FGFR2: variants seen among roughly 807,000 people sequenced by gnomAD.
FGFR2 encodes BEK fibroblast growth factor receptor.
A neutral mutation model predicts 95.9 loss-of-function variants in FGFR2; 19 were observed. That is an observed-to-expected ratio of 0.20 (90% CI 0.14 to 0.29). FGFR2 has a LOEUF of 0.29. Among genes scored for constraint, FGFR2 ranks in the 10% least tolerant of loss-of-function variants. FGFR2 has a pLI of 1.00. For missense variants in FGFR2, 707 were observed against 1,056.9 expected (o/e 0.67, Z 4.59); for synonymous variants, 392 against 393.3 (o/e 1.00, Z 0.04).
chr10:121,509,403 G>GAGATTA (rs964411440), intron 9 of FGFR2, among the ~76,000 whole-genome samples: 13 of 142,950 alleles, frequency 9.1e-5, no homozygotes, highest in African/African-American at 3.1e-4. Context: ...GTACATATGG[G>GAGATTA]AGATTAAGTG....
At chr10:121,568,374 T>C (rs1378746115) in intron 2 of FGFR2, among the ~76,000 whole-genome samples, 1 of 152,192 alleles carries the variant, frequency 6.6e-6, no homozygotes, top group Non-Finnish European at 1.5e-5. Context: ...GTCTGGGTCA[T>C]AAAATGATCA....
chr10:121,557,830 T>G (rs1391759077), intron 4 of FGFR2, among the ~76,000 whole-genome samples: 1 of 152,138 alleles, frequency 6.6e-6, no homozygotes, highest in African/African-American at 2.4e-5. Flanking sequence ...GGTTAATCAA[T>G]GAAATGAGTT....
chr10:121,497,743 C>A (rs1847070211), intron 12 of FGFR2, among the ~76,000 whole-genome samples: 1 of 152,208 alleles, frequency 6.6e-6, no homozygotes, highest in South Asian at 2.1e-4. Flanking sequence ...ATTTTATTGG[C>A]ATGCAGCCAG....
rs781182356 is a variant in FGFR2 at position 121,483,749 on chromosome 10, G to A, written c.2250C>T (p.Phe750=). ...WHAVPSQRPT[F]KQLVEDLDRI... The stretch of plus-strand genomic sequence containing the variant: ...GATCCAAGTCTTCTACCAACTGCTT[G>A]AACGTTGGTCTCTGGGAGGGCACTG... The change falls in exon 17 of 18, where the codon TTC becomes TTT. Residue 750 remains phenylalanine, a synonymous_variant. Transcript: ENST00000358487. 6.2e-7 allele frequency: 1 copy of A among 1,614,046 alleles called. No homozygotes were observed.
intron 4 of FGFR2, among the ~76,000 whole-genome samples, chr10:121,554,169 G>A (rs141990726): frequency 5.9e-5 from 9 of 152,184 alleles, no homozygotes; most frequent in Admixed American, 2.6e-4. Context: ...GAGATCCAAG[G>A]TTGGGGGCCA....
intron 6 of FGFR2, among the ~76,000 whole-genome samples, chr10:121,534,338 C>T (rs892134998): frequency 1.3e-5 from 2 of 151,832 alleles, no homozygotes; most frequent in Non-Finnish European, 2.9e-5. Flanking sequence ...ACCTCATGAT[C>T]TGCCTGCCTC....
chr10:121,490,416 G>A (rs926998602), intron 13 of FGFR2, among the ~76,000 whole-genome samples: 7 of 152,030 alleles, frequency 4.6e-5, no homozygotes, highest in Non-Finnish European at 7.4e-5. Flanking sequence ...CACCCGCCTC[G>A]GCCTCCCAAA....
chr10:121,481,989 C>G (rs1012985705), intron 17 of FGFR2: 34 of 495,166 alleles, frequency 6.9e-5, no homozygotes, highest in African/African-American at 6.6e-4. Flanking sequence ...AGGTGCACAC[C>G]AACACGCCCG....
At chr10:121,574,960 C>A (rs1347266230) in intron 2 of FGFR2, among the ~76,000 whole-genome samples, 2 of 152,136 alleles carry the variant, frequency 1.3e-5, no homozygotes, top group South Asian at 2.1e-4. Context: ...AGACACAAGT[C>A]GGGACTGAAA....
At chr10:121,577,778 T>A (rs1168269143) in intron 2 of FGFR2, among the ~76,000 whole-genome samples, 1 of 152,084 alleles carries the variant, frequency 6.6e-6, no homozygotes, top group Non-Finnish European at 1.5e-5. Context: ...TAGGTTCATA[T>A]TTCCACCTGC....
At chr10:121,500,368 T>C (rs1247907296) in intron 11 of FGFR2, among the ~76,000 whole-genome samples, 1 of 152,188 alleles carries the variant, frequency 6.6e-6, no homozygotes, top group African/African-American at 2.4e-5. Context: ...ATTTCTGCTT[T>C]GTTCCTCACG....
At chr10:121,597,171 C>T (rs1863549159) in intron 1 of FGFR2, among the ~76,000 whole-genome samples, 1 of 152,228 alleles carries the variant, frequency 6.6e-6, no homozygotes, top group Admixed American at 6.5e-5. Flanking sequence ...GCCTCCTGCG[C>T]CAGGTCCGTG....
rs1161322442 is a variant in FGFR2 at position 121,479,002 on chromosome 10, T to C, written c.*855A>G. On this transcript the variant is annotated 3_prime_UTR_variant, in exon 18 of 18. Transcript: ENST00000358487. ...TTCCTATGAATGAGTTCTTTTAATATGGGGCATTTAGGAGGTCTAAGAACA... is the reference window on the plus strand; with the variant it reads ...TTCCTATGAATGAGTTCTTTTAATACGGGGCATTTAGGAGGTCTAAGAACA... 4 of 233,334 alleles carry C rather than the reference T, an allele frequency of 1.7e-5. No homozygotes were observed. Among genetic ancestry groups the C allele is most frequent in the African/African-American group, 6.6e-5 (3 of 45,330 alleles). The allele number at this position is 233,334 out of a possible 1,614,324, so 14.5% of individuals were successfully genotyped here.
Position 121,538,422 on chromosome 10 carries a change from A to C in FGFR2, c.748+170T>G, listed in dbSNP as rs764740770. On this transcript the variant is annotated intron_variant, in intron 6 of 17. Transcript: ENST00000358487. Reference sequence around the variant, plus strand: ...TAAACCCTGGCTGCCTGGAAAACAGAATATTGTCAGATGACAGAAGCAGCC... The same window carrying C: ...TAAACCCTGGCTGCCTGGAAAACAGCATATTGTCAGATGACAGAAGCAGCC... 5.7e-6 allele frequency: 6 copies of C among 1,044,816 alleles called. No individual in the cohort carries two copies. The East Asian group carries it at 1.4e-4, about 25-fold the overall frequency. 64.7% of individuals were successfully genotyped at this position (1,044,816 alleles called of 1,614,324 possible). A position where few individuals can be genotyped will look rare whatever the true frequency, so the allele number is the denominator to read the frequency against.
intron 2 of FGFR2, among the ~76,000 whole-genome samples, chr10:121,591,653 C>T (rs1862667428): frequency 6.6e-6 from 1 of 152,220 alleles, no homozygotes; most frequent in Non-Finnish European, 1.5e-5. Flanking sequence ...TTTGCACCTT[C>T]CTCTAAGACA....
rs746880602 is a variant in FGFR2, at chr10:121,517,181, T to C, written c.1084+138A>G. 1.5e-5 allele frequency: 14 copies of C among 955,910 alleles called. No homozygotes were observed. Among genetic ancestry groups the C allele is most frequent in the Middle Eastern group, 2.0e-4 (1 of 4,892 alleles). The allele number at this position is 955,910 out of a possible 1,614,324, so 59.2% of individuals were successfully genotyped here. ...ATTTCCAAGGCAGTTTTCTTATCCC[T>C]GAGGGATCATTTTTAACATTTTTTA... On this transcript the variant is annotated intron_variant, in intron 8 of 17. Transcript: ENST00000358487. This position sits in a 1 kb window ranked among gnomAD's most constrained non-coding sequence, Gnocchi z 4.7.
At chr10:121,592,635 G>A (rs1200556552) in intron 2 of FGFR2, among the ~76,000 whole-genome samples, 2 of 152,074 alleles carry the variant, frequency 1.3e-5, no homozygotes, top group African/African-American at 2.4e-5. Context: ...TCCTGATCCA[G>A]CTAAGGAGGC....
Position 121,517,305 on chromosome 10 carries a change from A to G in FGFR2, c.1084+14T>C. ...AAAAGGGAAAAAAACCCAGAGAGAA[A>G]GAACAGTATATACCTGGCAGAACTG... On this transcript the variant is annotated intron_variant, in intron 8 of 17. Transcript: ENST00000358487. This position sits in a 1 kb window ranked among gnomAD's most constrained non-coding sequence, Gnocchi z 4.7. The G allele has an allele frequency of 6.2e-7, 1 of 1,614,174 alleles. No individual in the cohort carries two copies.
intron 4 of FGFR2, among the ~76,000 whole-genome samples, chr10:121,563,669 T>C (rs567910943): frequency 3.1e-4 from 47 of 152,128 alleles, no homozygotes; most frequent in African/African-American, 1.1e-3. Context: ...CCCCAGAAAA[T>C]AGTATTATTA....
Sources: gnomAD v4.1 joint callset for allele counts (sites outside exome capture counted in the v4.1 genomes callset) on GRCh38, gnomAD v4.1.1 for gene constraint, Gnocchi (gnomAD v3.1) non-coding constraint, MANE v1.5 for transcripts, NCBI Gene and HGNC (gene_info 2026-07-23, HGNC 2026-07-21) for gene names.